GPATCH2: variants seen among roughly 807,000 people sequenced by gnomAD.
The protein encoded by GPATCH2 is G patch domain-containing protein 2.
GPATCH2 carries 51 observed loss-of-function variants against 58.0 expected under a neutral mutation model. The observed-to-expected ratio is 0.88, with a 90% confidence interval of 0.70 to 1.11. The LOEUF (loss-of-function observed/expected upper bound fraction) is 1.11, where lower values mean the gene tolerates loss of function less well. Ranked by LOEUF, GPATCH2 falls within the 50% of genes most tolerant of loss-of-function variation. The pLI, the probability that GPATCH2 is intolerant of heterozygous loss-of-function variation, is 0.00. For missense variants in GPATCH2, 625 were observed against 652.2 expected (o/e 0.96, Z 0.45); for synonymous variants, 222 against 218.5 (o/e 1.02, Z -0.14).
At chr1:217,447,390 T>C (rs1363629256) in intron 9 of GPATCH2, among the ~76,000 whole-genome samples, 1 of 152,178 alleles carries the variant, frequency 6.6e-6, no homozygotes, top group East Asian at 1.9e-4. Context: ...GGAAAGAGCA[T>C]GGATTTAGGT....
chr1:217,570,002 G>T (rs551255593), intron 5 of GPATCH2, among the ~76,000 whole-genome samples: 41 of 152,202 alleles, frequency 2.7e-4, no homozygotes, highest in Non-Finnish European at 5.4e-4. Flanking sequence ...TCAGATTTTT[G>T]AGTAAATTAT....
intron 5 of GPATCH2, among the ~76,000 whole-genome samples, chr1:217,543,802 G>T (rs1444810777): frequency 6.6e-6 from 1 of 152,122 alleles, no homozygotes; most frequent in Non-Finnish European, 1.5e-5. Context: ...GAAATGACCA[G>T]TCCAGCCCAC....
intron 6 of GPATCH2, among the ~76,000 whole-genome samples, chr1:217,509,052 G>C (rs985863488): frequency 1.3e-5 from 2 of 152,086 alleles, no homozygotes; most frequent in African/African-American, 4.8e-5. Context: ...TCAAAAATAA[G>C]ACTGCAGCCT....
At chr1:217,624,251 C>A (rs544336785) in intron 1 of GPATCH2, among the ~76,000 whole-genome samples, 5 of 152,286 alleles carry the variant, frequency 3.3e-5, no homozygotes, top group African/African-American at 9.6e-5. Flanking sequence ...GGCACAGTGT[C>A]TCACGCCTGT....
chr1:217,569,500 GC>G (rs1248417380), intron 5 of GPATCH2, among the ~76,000 whole-genome samples: 1 of 151,900 alleles, frequency 6.6e-6, no homozygotes, highest in African/African-American at 2.4e-5. Context: ...TTCGAGACCA[GC>G]CCGGCTAACG....
chr1:217,512,932 T>C (rs1402320415), intron 6 of GPATCH2, among the ~76,000 whole-genome samples: 1 of 152,208 alleles, frequency 6.6e-6, no homozygotes. Flanking sequence ...CCAAACTGGA[T>C]ATATGCGTTG....
At chr1:217,509,810 TC>T (rs1662756240) in intron 6 of GPATCH2, among the ~76,000 whole-genome samples, 2 of 152,140 alleles carry the variant, frequency 1.3e-5, no homozygotes, top group South Asian at 2.1e-4. Context: ...AAGTTCTTGG[TC>T]CATTAATGGG....
chr1:217,472,905 C>G (rs188832974), intron 8 of GPATCH2, among the ~76,000 whole-genome samples: 24 of 152,068 alleles, frequency 1.6e-4, no homozygotes, highest in African/African-American at 4.3e-4. Flanking sequence ...TTGTCCTAGT[C>G]CCCCCTAGAA....
chr1:217,449,988 CTA>C (rs979587301), intron 8 of GPATCH2, among the ~76,000 whole-genome samples: 2 of 152,016 alleles, frequency 1.3e-5, no homozygotes, highest in Admixed American at 6.6e-5. Flanking sequence ...GGACCTTCTG[CTA>C]TTTTTGGAAC....
At chr1:217,438,577 G>A (rs1221535346) in intron 9 of GPATCH2, among the ~76,000 whole-genome samples, 1 of 152,032 alleles carries the variant, frequency 6.6e-6, no homozygotes, top group African/African-American at 2.4e-5. Context: ...GCATGCACAA[G>A]TATCAATAGC....
At chr1:217,537,447 G>T (rs1026631450) in intron 5 of GPATCH2, among the ~76,000 whole-genome samples, 1 of 151,846 alleles carries the variant, frequency 6.6e-6, no homozygotes, top group Non-Finnish European at 1.5e-5. Context: ...ATATATAAAG[G>T]TTATAATTAT....
chr1:217,546,702 T>C (rs1665072188), intron 5 of GPATCH2, among the ~76,000 whole-genome samples: 1 of 152,204 alleles, frequency 6.6e-6, no homozygotes, highest in Admixed American at 6.5e-5. Context: ...GCAGACTTCA[T>C]GATGAAGATG....
rs577243200 is a variant in GPATCH2, at chr1:217,599,309, T to C, written c.1098+11012A>G. Among the ~76,000 whole-genome samples, 146 of 152,164 alleles carry C rather than the reference T, an allele frequency of 9.6e-4. 4 individuals are homozygous for C. Among genetic ancestry groups the C allele is most frequent in the Admixed American group, 1.8e-3 (28 of 15,290 alleles). Reference sequence around the variant, plus strand: ...AGAAATGTTTACTTGCAGTTATGTGTGATATGGATTACAGGCAGGAAAATC... The same window carrying C: ...AGAAATGTTTACTTGCAGTTATGTGCGATATGGATTACAGGCAGGAAAATC... On this transcript the variant is annotated intron_variant, in intron 5 of 9. Coordinates refer to ENST00000366935, the MANE Select transcript of GPATCH2 (RefSeq NM_018040.5).
rs1461725255 is a variant in GPATCH2, at chr1:217,429,836, A to G, written c.*1309T>C. The G allele has an allele frequency of 1.4e-5, 2 of 147,756 alleles. No individual in the cohort carries two copies. The highest frequency in any genetic ancestry group is 1.3e-4 in the Admixed American group (2 of 14,928). 9.2% of individuals were successfully genotyped at this position (147,756 alleles called of 1,614,324 possible). Reference sequence around the variant, plus strand: ...GAGGCAGACTCTGTCAAAAAAAAAAAAAAAAAAAAAGAAACAAAAAAACTC... The same window carrying G: ...GAGGCAGACTCTGTCAAAAAAAAAAGAAAAAAAAAAGAAACAAAAAAACTC... On this transcript the variant is annotated 3_prime_UTR_variant, in exon 10 of 10. Transcript: ENST00000366935.
intron 9 of GPATCH2, among the ~76,000 whole-genome samples, chr1:217,442,184 C>A (rs1223402100): frequency 6.6e-6 from 1 of 152,152 alleles, no homozygotes; most frequent in East Asian, 1.9e-4. Flanking sequence ...AGTTCATGTC[C>A]TTTGCAGGGA....
chr1:217,595,374 T>C (rs1200341154), intron 5 of GPATCH2, among the ~76,000 whole-genome samples: 1 of 152,180 alleles, frequency 6.6e-6, no homozygotes, highest in African/African-American at 2.4e-5. Context: ...CTCAGTGTTT[T>C]CAAAAGTAAC....
At chr1:217,590,024 C>CTTTT (rs771810707) in intron 5 of GPATCH2, among the ~76,000 whole-genome samples, 2 of 138,578 alleles carry the variant, frequency 1.4e-5, no homozygotes, top group Non-Finnish European at 3.2e-5. Context: ...TGTACAACGT[C>CTTTT]TTTTTTTTTT....
intron 8 of GPATCH2, among the ~76,000 whole-genome samples, chr1:217,453,841 C>A (rs1214150206): frequency 2.0e-5 from 3 of 152,110 alleles, no homozygotes; most frequent in African/African-American, 4.8e-5. Flanking sequence ...CAATTACAAA[C>A]AGAGGCTGTT....
intron 5 of GPATCH2, among the ~76,000 whole-genome samples, chr1:217,605,581 T>G (rs1340958763): frequency 2.0e-5 from 3 of 152,200 alleles, no homozygotes; most frequent in African/African-American, 7.2e-5. Flanking sequence ...ACAACTGTGT[T>G]TTAAGCTGAG....
Sources: gnomAD v4.1 joint callset for allele counts (sites outside exome capture counted in the v4.1 genomes callset) on GRCh38, gnomAD v4.1.1 for gene constraint, MANE v1.5 for transcripts, NCBI Gene and HGNC (gene_info 2026-07-23, HGNC 2026-07-21) for gene names.